Variants in CDK17 observed in about 807,000 individuals in gnomAD.
The protein encoded by CDK17 is cyclin dependent kinase 17.
Under a neutral mutation model 77.6 loss-of-function variants are expected in CDK17, and 24 were observed. The ratio of observed to expected loss-of-function variants is 0.31; its 90% CI spans 0.22 to 0.44. CDK17 has a LOEUF of 0.44. Ranked by LOEUF, CDK17 falls within the 20% of genes least tolerant of loss-of-function variation. CDK17 has a pLI of 1.00. For missense variants in CDK17, 429 were observed against 622.5 expected, an observed-to-expected ratio of 0.69 and a Z score of 3.31; for synonymous variants, 203 against 210.4, an observed-to-expected ratio of 0.96 and a Z score of 0.30.
intron 1 of CDK17, among the ~76,000 whole-genome samples, chr12:96,343,120 T>C (rs1188385611): frequency 1.3e-5 from 2 of 152,258 alleles, no homozygotes; most frequent in African/African-American, 2.4e-5. Context: ...TAGTTTATTA[T>C]GACACTTGAG....
chr12:96,319,280 C>T (rs1592725638), intron 3 of CDK17, among the ~76,000 whole-genome samples: 1 of 146,604 alleles, frequency 6.8e-6, no homozygotes. Context: ...AGACCAATAA[C>T]AGGAGCTGAA....
rs80293026 is a variant in CDK17, at chr12:96,296,098, T to A, written c.874-976A>T. 4.4e-3 allele frequency among the ~76,000 whole-genome samples: 671 copies of A among 152,342 alleles called. 5 individuals carry two copies. Among genetic ancestry groups the A allele is most frequent in the Middle Eastern group, 0.024 (7 of 294 alleles). On this transcript the variant is annotated intron_variant, in intron 9 of 16. Coordinates refer to ENST00000261211, the MANE Select transcript of CDK17 (RefSeq NM_002595.5). ...AATTACTATTTAAATGAATTCTTGT[T>A]ACACTTTGTATTTTGAAAGTATAAA...
chr12:96,323,928 C>T lies in CDK17; in HGVS notation c.283+20G>A. ...CGTATAATCAGAAAGGTAAACACAA[C>T]AGACAAGTAATCAAATTACCTAATC... On this transcript the variant is annotated intron_variant, in intron 3 of 16. Coordinates refer to ENST00000261211, the MANE Select transcript of CDK17 (RefSeq NM_002595.5). The T allele has an allele frequency of 6.4e-7, 1 of 1,552,434 alleles. No homozygotes were observed. The highest frequency in any genetic ancestry group is 8.7e-7 in the Non-Finnish European group (1 of 1,147,662).
chr12:96,306,600 C>G (rs1320084850), intron 5 of CDK17, among the ~76,000 whole-genome samples: 1 of 152,088 alleles, frequency 6.6e-6, no homozygotes, highest in Admixed American at 6.6e-5. Context: ...TACCTCCTTT[C>G]TATCCATCCC....
At position 96,289,158 on chromosome 12, in the gene CDK17, T is replaced by C. The variant is rs1360391816; in HGVS notation, c.1118+9A>G. ...ATTATAAATGTCAGTGACATCTGTA[T>C]ATATTTACCACATGTCAATCTGTGT... On this transcript the variant is annotated intron_variant, in intron 11 of 16. Transcript: ENST00000261211. 18 of 1,613,296 alleles carry C rather than the reference T, an allele frequency of 1.1e-5. No individual in the cohort carries two copies. The highest frequency in any genetic ancestry group is 1.5e-5 in the Non-Finnish European group (18 of 1,179,250).
rs767113005 is a variant in CDK17, at chr12:96,359,656, C to T, written c.-29-24791G>A. ...CTAAACAATTTTCACAATTTCATAA[C>T]ATTTTGGCATTTGGAGACAAACACT... is the stretch of plus-strand genomic sequence containing the variant. On this transcript the variant is annotated intron_variant, in intron 1 of 16. Coordinates refer to ENST00000261211, the MANE Select transcript of CDK17 (RefSeq NM_002595.5). Among the ~76,000 whole-genome samples the T allele has an allele frequency of 1.2e-4, 19 of 152,238 alleles. No individual in the cohort carries two copies. The South Asian group carries it at 1.9e-3, about 15-fold the overall frequency.
intron 5 of CDK17, among the ~76,000 whole-genome samples, chr12:96,302,268 C>A (rs1301704829): frequency 6.6e-6 from 1 of 151,962 alleles, no homozygotes; most frequent in Non-Finnish European, 1.5e-5. Context: ...TGGCAAATAG[C>A]CCACTATCTG....
intron 2 of CDK17, among the ~76,000 whole-genome samples, chr12:96,329,509 T>A (rs1952937320): frequency 6.6e-6 from 1 of 152,172 alleles, no homozygotes; most frequent in African/African-American, 2.4e-5. Flanking sequence ...ACATGCAATT[T>A]CATAGCCCAA....
intron 9 of CDK17, 127 bp downstream of exon 9, chr12:96,297,143 A>G: frequency 1.8e-6 from 1 of 570,396 alleles, no homozygotes; most frequent in Non-Finnish European, 3.1e-6. Flanking sequence ...TTCAGAGGAC[A>G]ATAACCTATT....
chr12:96,370,675 C>T (rs1414538154), intron 1 of CDK17, among the ~76,000 whole-genome samples: 1 of 152,172 alleles, frequency 6.6e-6, no homozygotes, highest in African/African-American at 2.4e-5. Context: ...CCAGAGACTA[C>T]ACTGAATATT....
At chr12:96,302,604 A>C (rs558972933) in intron 5 of CDK17, among the ~76,000 whole-genome samples, 2 of 152,288 alleles carry the variant, frequency 1.3e-5, no homozygotes, top group African/African-American at 4.8e-5. Context: ...TCATTATAAC[A>C]ATGAGAAGCA....
rs557009404 is a variant in CDK17, at chr12:96,357,400, T to A, written c.-29-22535A>T. Among the ~76,000 whole-genome samples, 14 of 152,292 alleles carry A rather than the reference T, an allele frequency of 9.2e-5. 2 individuals are homozygous for A. In the South Asian group the frequency reaches 2.9e-3, roughly 32 times the overall value. Reference sequence around the variant, plus strand: ...TCGCTTGAGCCCAGGAGTTTAAGGCTGCAGTGAGCTGTGACTGCACTCCAA... The same window carrying A: ...TCGCTTGAGCCCAGGAGTTTAAGGCAGCAGTGAGCTGTGACTGCACTCCAA... On this transcript the variant is annotated intron_variant, in intron 1 of 16. Transcript: ENST00000261211.
At chr12:96,313,686 T>A (rs1336181798) in intron 3 of CDK17, among the ~76,000 whole-genome samples, 1 of 152,178 alleles carries the variant, frequency 6.6e-6, no homozygotes, top group African/African-American at 2.4e-5. Flanking sequence ...AACATTCAAG[T>A]TATTATCAAG....
chr12:96,345,207 T>A (rs1953186386), intron 1 of CDK17, among the ~76,000 whole-genome samples: 1 of 152,238 alleles, frequency 6.6e-6, no homozygotes, highest in South Asian at 2.1e-4. Flanking sequence ...ATGTACCACA[T>A]CTTCTTTATC....
At chr12:96,390,070 C>T (rs1011740999) in intron 1 of CDK17, among the ~76,000 whole-genome samples, 4 of 151,858 alleles carry the variant, frequency 2.6e-5, no homozygotes, top group East Asian at 1.9e-4. Flanking sequence ...CCTCATAATC[C>T]GCCTGCCTCA....
intron 3 of CDK17, among the ~76,000 whole-genome samples, chr12:96,316,662 C>T (rs1227056294): frequency 2.3e-5 from 3 of 129,992 alleles, no homozygotes; most frequent in Non-Finnish European, 4.9e-5. Flanking sequence ...GACCCCCGAG[C>T]AGCCTAACTG....
chr12:96,331,751 A>G (rs1021025860), intron 2 of CDK17, among the ~76,000 whole-genome samples: 2 of 152,168 alleles, frequency 1.3e-5, no homozygotes, highest in Admixed American at 6.5e-5. Flanking sequence ...TTTCTCCAAC[A>G]TGTTTATAGT....
intron 1 of CDK17, among the ~76,000 whole-genome samples, chr12:96,339,080 T>C (rs2137150703): frequency 6.6e-6 from 1 of 152,244 alleles, no homozygotes; most frequent in South Asian, 2.1e-4. Flanking sequence ...TGAATGACCC[T>C]TTTGCTATTT....
intron 1 of CDK17, among the ~76,000 whole-genome samples, chr12:96,386,526 C>T (rs1487752098): frequency 2.0e-5 from 3 of 151,928 alleles, no homozygotes; most frequent in African/African-American, 4.8e-5. Flanking sequence ...AGCATGGCGG[C>T]GGCACCTGTA....
Sources: allele counts gnomAD v4.1 joint callset (sites outside exome capture counted in the v4.1 genomes callset), GRCh38; gene constraint gnomAD v4.1.1; transcripts MANE v1.5; gene names NCBI Gene and HGNC (gene_info 2026-07-23, HGNC 2026-07-21).